Variants in GUCY1A2 observed in about 807,000 individuals in gnomAD.
GUCY1A2 encodes guanylate cyclase soluble subunit alpha-2.
In GUCY1A2, 27 loss-of-function variants were observed where a neutral mutation model predicts 63.5. The ratio of observed to expected loss-of-function variants is 0.43; its 90% CI spans 0.31 to 0.59. GUCY1A2 has a LOEUF of 0.59. Among genes scored for constraint, GUCY1A2 ranks in the 20% least tolerant of loss-of-function variants. The pLI is 0.11. For synonymous variants in GUCY1A2, 364 were observed against 343.5 expected (o/e 1.06, Z -0.66); for missense variants, 768 against 913.3 (o/e 0.84, Z 2.05).
chr11:106,735,310 CTCT>C (rs1863570556), intron 6 of GUCY1A2, among the ~76,000 whole-genome samples: 1 of 152,098 alleles, frequency 6.6e-6, no homozygotes, highest in South Asian at 2.1e-4. Flanking sequence ...CCTTTCCAGT[CTCT>C]GGTAACCATC....
chr11:106,830,254 G>C (rs572934977), intron 4 of GUCY1A2, among the ~76,000 whole-genome samples: 1 of 152,244 alleles, frequency 6.6e-6, no homozygotes, highest in Admixed American at 6.5e-5. Flanking sequence ...ACAAAGGATA[G>C]TTGTATTATG....
chr11:106,734,892 C>T (rs945502535), intron 6 of GUCY1A2, among the ~76,000 whole-genome samples: 2 of 151,986 alleles, frequency 1.3e-5, no homozygotes, highest in Non-Finnish European at 2.9e-5. Context: ...TAAGACATAT[C>T]CTGGGTTCAG....
intron 4 of GUCY1A2, among the ~76,000 whole-genome samples, chr11:106,858,148 T>G (rs1352305753): frequency 6.6e-5 from 10 of 152,196 alleles, no homozygotes; most frequent in Non-Finnish European, 1.5e-4. Flanking sequence ...TTTAACAGAT[T>G]TCAAAAGATA....
chr11:106,994,472 C>T (rs1861510011), intron 1 of GUCY1A2, among the ~76,000 whole-genome samples: 1 of 152,186 alleles, frequency 6.6e-6, no homozygotes, highest in African/African-American at 2.4e-5. Flanking sequence ...CTTAAGTCAT[C>T]CAAGGATGTC....
intron 4 of GUCY1A2, among the ~76,000 whole-genome samples, chr11:106,859,826 G>C (rs1470488967): frequency 6.6e-6 from 1 of 151,888 alleles, no homozygotes; most frequent in Non-Finnish European, 1.5e-5. Context: ...TTCTGTACAG[G>C]TTTGCAGCTT....
chr11:106,899,219 C>G (rs1459716895), intron 4 of GUCY1A2, among the ~76,000 whole-genome samples: 2 of 151,916 alleles, frequency 1.3e-5, no homozygotes, highest in African/African-American at 2.4e-5. Context: ...AACAACCAAA[C>G]AAAAAACACG....
chr11:106,691,286 A>C (rs1241492643), intron 7 of GUCY1A2, among the ~76,000 whole-genome samples: 1 of 152,230 alleles, frequency 6.6e-6, no homozygotes, highest in African/African-American at 2.4e-5. Flanking sequence ...ACAACATCTG[A>C]TACAATCTAA....
chr11:106,735,382 T>C (rs759328495), intron 6 of GUCY1A2, among the ~76,000 whole-genome samples: 12 of 152,132 alleles, frequency 7.9e-5, no homozygotes, highest in Non-Finnish European at 1.2e-4. Context: ...CACAAATGGG[T>C]GAGAACATGC....
chr11:106,755,304 A>G (rs996325963), intron 6 of GUCY1A2, among the ~76,000 whole-genome samples: 1 of 152,040 alleles, frequency 6.6e-6, no homozygotes. Flanking sequence ...CAGCTTCTGG[A>G]TTCATAATTT....
At chr11:106,929,005 TA>T (rs1311234746) in intron 4 of GUCY1A2, among the ~76,000 whole-genome samples, 1 of 152,240 alleles carries the variant, frequency 6.6e-6, no homozygotes, top group Non-Finnish European at 1.5e-5. Flanking sequence ...AATCATGTTA[TA>T]AGTACAATAG....
At chr11:106,746,524 C>T in intron 6 of GUCY1A2, 2 of 1,298,512 alleles carry the variant, frequency 1.5e-6, no homozygotes, top group Non-Finnish European at 2.2e-6. Flanking sequence ...CTCTGTTTTC[C>T]TTCTCCCTAT....
chr11:106,800,530 GATATACACC>G (rs1212741643), intron 5 of GUCY1A2, among the ~76,000 whole-genome samples: 4 of 152,110 alleles, frequency 2.6e-5, no homozygotes, highest in African/African-American at 4.8e-5. Context: ...AAATGTGACA[GATATACACC>G]ATGGAATACT....
At chr11:106,995,509 C>T (rs1861523518) in intron 1 of GUCY1A2, among the ~76,000 whole-genome samples, 1 of 152,122 alleles carries the variant, frequency 6.6e-6, no homozygotes, top group Non-Finnish European at 1.5e-5. Context: ...GGGATTAACT[C>T]CTGGCTAGCC....
At chr11:106,927,655 T>G (rs1401460304) in intron 4 of GUCY1A2, among the ~76,000 whole-genome samples, 1 of 151,532 alleles carries the variant, frequency 6.6e-6, no homozygotes, top group East Asian at 2.0e-4. Context: ...AGCTCCACCT[T>G]CCGGGTTCAC....
chr11:106,956,081 C>T lies in GUCY1A2; in HGVS notation c.488-15903G>A, dbSNP rs143194260. Among the ~76,000 whole-genome samples the T allele has an allele frequency of 1.8e-3, 272 of 151,632 alleles. 1 individual carries two copies. The highest frequency in any genetic ancestry group is 6.2e-3 in the African/African-American group (258 of 41,334). Reference sequence around the variant, plus strand: ...CCTTTCTTCTGCTTGGTCAATTTGGCTGTTGATACTTGTGTATGCTTCGTG... The same window carrying T: ...CCTTTCTTCTGCTTGGTCAATTTGGTTGTTGATACTTGTGTATGCTTCGTG... On this transcript the variant is annotated intron_variant, in intron 3 of 7. Transcript: ENST00000526355.
chr11:106,778,884 T>C (rs1388964139), intron 5 of GUCY1A2, among the ~76,000 whole-genome samples: 1 of 152,178 alleles, frequency 6.6e-6, no homozygotes, highest in East Asian at 1.9e-4. Context: ...CTGTGTGCTA[T>C]GTAGATCTGT....
intron 4 of GUCY1A2, among the ~76,000 whole-genome samples, chr11:106,880,044 C>T (rs1046494259): frequency 2.6e-5 from 4 of 152,028 alleles, no homozygotes; most frequent in African/African-American, 9.7e-5. Context: ...TCAGCATACC[C>T]TGAGAATGCT....
chr11:106,786,099 T>G (rs549682850), intron 5 of GUCY1A2, among the ~76,000 whole-genome samples: 1 of 152,206 alleles, frequency 6.6e-6, no homozygotes, highest in South Asian at 2.1e-4. Context: ...TCTGGCACAG[T>G]AGGCATTCAA....
In GUCY1A2 at chr11:106,917,217, C is replaced by A. The variant is rs890931631; in HGVS notation, c.1206+22243G>T. Among the ~76,000 whole-genome samples the A allele has an allele frequency of 3.4e-5, 5 of 145,504 alleles. 1 individual carries two copies. The highest frequency in any genetic ancestry group is 4.6e-5 in the Non-Finnish European group (3 of 64,814). ...AAGCTAAAATCTGAGCACTATGAAG[C>A]CATTTAAAAAGTTAGGGAAAGAGCA... On this transcript the variant is annotated intron_variant, in intron 4 of 7. Transcript: ENST00000526355.
Sources: allele counts gnomAD v4.1 joint callset (sites outside exome capture counted in the v4.1 genomes callset), GRCh38; gene constraint gnomAD v4.1.1; transcripts MANE v1.5; gene names NCBI Gene and HGNC (gene_info 2026-07-23, HGNC 2026-07-21).